NSD2: variants seen among roughly 807,000 people sequenced by gnomAD.
NSD2 encodes the protein histone-lysine N-methyltransferase NSD2.
NSD2 carries 12 observed loss-of-function variants against 139.0 expected under a neutral mutation model. That is an observed-to-expected ratio of 0.09 (90% CI 0.06 to 0.14). NSD2 has a LOEUF of 0.14. Ranked by LOEUF, NSD2 falls within the 10% of genes least tolerant of loss-of-function variation. NSD2 has a pLI of 1.00. For missense variants in NSD2, 1,155 were observed against 1,745.0 expected (o/e 0.66, Z 6.02); for synonymous variants, 669 against 648.7 (o/e 1.03, Z -0.48).
At chr4:1,978,343 C>A (rs573591581) in intron 21 of NSD2, among the ~76,000 whole-genome samples, 1 of 152,124 alleles carries the variant, frequency 6.6e-6, no homozygotes, top group African/African-American at 2.4e-5. Flanking sequence ...CCCTGCCTGT[C>A]CACGCCGCGC....
At position 1,939,828 on chromosome 4, in the gene NSD2, T is replaced by G. The variant is rs748448258; in HGVS notation, c.1881+50T>G. The G allele has an allele frequency of 6.8e-6, 11 of 1,613,284 alleles. No individual in the cohort carries two copies. In the South Asian group the frequency reaches 1.2e-4, roughly 18 times the overall value. On this transcript the variant is annotated intron_variant, in intron 9 of 21. Transcript: ENST00000508803. ...CCATGGCATTGGTATGAAGGCCATT[T>G]AGCTGCCCACGCTGCAGTGTGAGTA...
chr4:1,915,048 TTTC>T (rs747054111), intron 3 of NSD2, among the ~76,000 whole-genome samples: 2 of 152,064 alleles, frequency 1.3e-5, no homozygotes, highest in Non-Finnish European at 2.9e-5. Flanking sequence ...TCTTAATTTT[TTTC>T]TTCTTTCTGG....
At chr4:1,889,160 AG>A (rs1302488308) in intron 1 of NSD2, among the ~76,000 whole-genome samples, 2 of 151,826 alleles carry the variant, frequency 1.3e-5, no homozygotes, top group African/African-American at 4.8e-5. Flanking sequence ...GGCCTCCCAA[AG>A]TGCTGGGATT....
chr4:1,970,604 C>T (rs1317357269), intron 18 of NSD2, among the ~76,000 whole-genome samples: 1 of 152,116 alleles, frequency 6.6e-6, no homozygotes, highest in Non-Finnish European at 1.5e-5. Context: ...GGTAAGTTCA[C>T]CCCCAACACC....
chr4:1,970,019 G>A (rs766889793), intron 18 of NSD2, among the ~76,000 whole-genome samples: 2 of 152,174 alleles, frequency 1.3e-5, no homozygotes, highest in Non-Finnish European at 2.9e-5. Context: ...GAGTGCAGCT[G>A]AAAGAACCTG....
At position 1,946,639 on chromosome 4, in the gene NSD2, G is replaced by C. The variant is rs546323765; in HGVS notation, c.1882-4433G>C. On this transcript the variant is annotated intron_variant, in intron 9 of 21. Coordinates refer to ENST00000508803, the MANE Select transcript of NSD2 (RefSeq NM_001042424.3). Reference sequence around the variant, plus strand: ...ACTTTTTGTCAACGAAATTGGTTTTGATCCCTTTGGGTACCATTTTTATTG... The same window carrying C: ...ACTTTTTGTCAACGAAATTGGTTTTCATCCCTTTGGGTACCATTTTTATTG... The C allele has an allele frequency of 1.6e-5, 17 of 1,033,814 alleles. No homozygotes were observed. In the Admixed American group the frequency reaches 4.0e-4, roughly 24 times the overall value. 64.0% of individuals were successfully genotyped at this position (1,033,814 alleles called of 1,614,324 possible).
intron 1 of NSD2, among the ~76,000 whole-genome samples, chr4:1,898,361 T>G (rs1716650022): frequency 6.6e-6 from 1 of 152,148 alleles, no homozygotes; most frequent in Non-Finnish European, 1.5e-5. Context: ...CCTGACCACA[T>G]TCCCCTTAAA....
intron 9 of NSD2, chr4:1,943,804 C>G (rs1420144174): frequency 1.9e-6 from 2 of 1,061,760 alleles, no homozygotes; most frequent in East Asian, 5.1e-5. Flanking sequence ...AAGCAGTCAC[C>G]CAAAGTAAAG....
intron 11 of NSD2, chr4:1,953,078 G>T: frequency 6.8e-7 from 1 of 1,476,850 alleles, no homozygotes. Context: ...CAGCCAGGCT[G>T]CCTAGTAAGA....
At chr4:1,931,705 C>CT (rs1195275984) in intron 6 of NSD2, among the ~76,000 whole-genome samples, 1 of 152,158 alleles carries the variant, frequency 6.6e-6, no homozygotes, top group African/African-American at 2.4e-5. Flanking sequence ...TTAGGTGTTT[C>CT]TAGATCTCTT....
At chr4:1,938,583 GC>G in intron 8 of NSD2, 51 bp downstream of exon 8, 1 of 1,435,562 alleles carries the variant, frequency 7.0e-7, no homozygotes, top group Non-Finnish European at 9.7e-7. Context: ...CCCAGGCTGG[GC>G]TGGGTGGGTG....
Position 1,958,200 on chromosome 4 carries a change from A to AT in NSD2, c.2985+165dup, listed in dbSNP as rs1027122791. ...ACACAAGAGACCATGAGCAAATGGC[A>AT]TGGGGGGATCTGCATGGGGGTTCTT... On this transcript the variant is annotated intron_variant, in intron 16 of 21. Coordinates refer to ENST00000508803, the MANE Select transcript of NSD2 (RefSeq NM_001042424.3). This position sits in a 1 kb window ranked among gnomAD's most constrained non-coding sequence, Gnocchi z 4.6. Among the ~76,000 whole-genome samples the AT allele has an allele frequency of 3.3e-5, 5 of 152,208 alleles. No individual in the cohort carries two copies. The highest frequency in any genetic ancestry group is 7.3e-5 in the Non-Finnish European group (5 of 68,028).
At chr4:1,946,344 T>A in intron 9 of NSD2, 1 of 571,562 alleles carries the variant, frequency 1.7e-6, no homozygotes, top group Non-Finnish European at 2.3e-6. Flanking sequence ...CTCGGCTCAC[T>A]GCAACCTCCG....
chr4:1,970,518 G>A (rs1459040233), intron 18 of NSD2, among the ~76,000 whole-genome samples: 1 of 152,212 alleles, frequency 6.6e-6, no homozygotes, highest in Non-Finnish European at 1.5e-5. Flanking sequence ...GGGGGTGAGT[G>A]TGCCAGAAGG....
intron 1 of NSD2, among the ~76,000 whole-genome samples, chr4:1,878,415 CTTTT>C (rs913288035): frequency 2.6e-5 from 4 of 151,580 alleles, no homozygotes; most frequent in Admixed American, 2.6e-4. Context: ...GCCAAAAAAA[CTTTT>C]TTTAATTATT....
intron 5 of NSD2, among the ~76,000 whole-genome samples, chr4:1,921,886 C>T (rs1449996000): frequency 6.6e-6 from 1 of 151,818 alleles, no homozygotes; most frequent in Non-Finnish European, 1.5e-5. Context: ...CGGTGGCTCA[C>T]GCCTGTAATC....
chr4:1,959,763 C>T, intron 17 of NSD2, 23 bp downstream of exon 17: 1 of 1,603,188 alleles, frequency 6.2e-7, no homozygotes, highest in South Asian at 1.1e-5. Context: ...ATCCCCTCCC[C>T]TGCTTTTGAG....
Position 1,918,573 on chromosome 4 carries a change from G to C in NSD2, c.1360G>C (p.Gly454Arg), listed in dbSNP as rs2108805697. 6.2e-7 allele frequency: 1 copy of C among 1,613,940 alleles called. No individual in the cohort carries two copies. Among genetic ancestry groups the C allele is most frequent in the Non-Finnish European group, 8.5e-7 (1 of 1,179,976 alleles). Residue 454 changes from glycine to arginine, a missense_variant, in exon 5 of 22, where the codon GGA (glycine) becomes CGA (arginine). By Grantham distance (125) the Gly-to-Arg change is moderately radical. This residue lies in a region of NSD2 where 420 missense variants were observed against 469.0 expected (regional missense o/e 0.90). Transcript: ENST00000508803. ...AGTCTCCATGCCACGAAGCAGGAAG[G>C]GAGATGCAGCATCCCAGTTTTTGGT... is the stretch of plus-strand genomic sequence containing the variant. ...TTVSMPRSRK[G>R]DAASQFLVFC...
intron 1 of NSD2, 145 bp from the exon 2 acceptor site, chr4:1,900,481 C>CA (rs1194399170): frequency 2.0e-6 from 1 of 499,976 alleles, no homozygotes; most frequent in Non-Finnish European, 3.4e-6. Context: ...AAACTGCCTT[C>CA]TGTGACCTGA....
Sources: allele counts gnomAD v4.1 joint callset (sites outside exome capture counted in the v4.1 genomes callset), GRCh38; gene constraint gnomAD v4.1.1; regional missense constraint gnomAD v4.1.1; non-coding constraint Gnocchi (gnomAD v3.1); transcripts MANE v1.5; gene names NCBI Gene and HGNC (gene_info 2026-07-23, HGNC 2026-07-21).